KANSL1: variants seen among roughly 807,000 people sequenced by gnomAD.
The protein encoded by KANSL1 is MLL1/MLL complex subunit KANSL1.
KANSL1 carries 22 observed loss-of-function variants against 103.6 expected under a neutral mutation model. The ratio of observed to expected loss-of-function variants is 0.21; its 90% CI spans 0.15 to 0.30. KANSL1 has a LOEUF of 0.30. Among genes scored for constraint, KANSL1 ranks in the 10% least tolerant of loss-of-function variants. The probability of loss-of-function intolerance (pLI) is 1.00; values close to 1 mark genes in which losing one functional copy is unlikely to be tolerated. For synonymous variants in KANSL1, 600 were observed against 527.6 expected (o/e 1.14, Z -1.88); for missense variants, 1,337 against 1,399.8 (o/e 0.96, Z 0.72).
chr17:46,061,451 T>C (rs983005028), intron 6 of KANSL1, among the ~76,000 whole-genome samples: 2 of 152,088 alleles, frequency 1.3e-5, no homozygotes, highest in African/African-American at 2.4e-5. Flanking sequence ...TATAAGAACT[T>C]TCCACTGGAG....
chr17:46,201,057 G>A (rs942828592), intron 1 of KANSL1, among the ~76,000 whole-genome samples: 7 of 152,042 alleles, frequency 4.6e-5, no homozygotes, highest in Admixed American at 2.6e-4. Context: ...GACTACAGGC[G>A]CGTACCACCA....
chr17:46,093,132 G>A (rs1295717191), intron 3 of KANSL1: 2 of 152,084 alleles, frequency 1.3e-5, no homozygotes, highest in African/African-American at 4.8e-5. Context: ...TTAACTACTG[G>A]CTATAAAAAC....
At chr17:46,054,516 A>G (rs1426568640) in intron 6 of KANSL1, among the ~76,000 whole-genome samples, 1 of 152,214 alleles carries the variant, frequency 6.6e-6, no homozygotes, top group African/African-American at 2.4e-5. Context: ...CACAGTAATC[A>G]GTGTAAATCT....
At position 46,171,386 on chromosome 17, in the gene KANSL1, T is replaced by C; in HGVS notation, c.758A>G (p.Asp253Gly). 1.2e-6 allele frequency: 2 copies of C among 1,614,008 alleles called. No individual in the cohort carries two copies. Among genetic ancestry groups the C allele is most frequent in the African/African-American group, 1.3e-5 (1 of 74,946 alleles). Residue 253 changes from aspartate to glycine, a missense_variant, in exon 2 of 15, where the codon GAC (aspartate) becomes GGC (glycine). Around this residue, in one of 2 missense-constraint regions of KANSL1, gnomAD observed 557 missense variants for 476.4 expected, o/e 1.17. Transcript: ENST00000432791. ...QGSSRLSPGT[D>G]SSSNLGGVKL... ...GACACCCCCCAAGTTAGAGCTGGAG[T>C]CTGTACCAGGTGATAATCTACTGCT... is the stretch of plus-strand genomic sequence containing the variant.
rs376233244 is a variant in KANSL1, at chr17:46,172,136, G to T, written c.8C>A (p.Ala3Glu). ...TGCGTCAGTGAGAGCGGGCGCCATCGCAGCCATTCAGCACAGAGAGACAGG... is the reference window on the plus strand; with the variant it reads ...TGCGTCAGTGAGAGCGGGCGCCATCTCAGCCATTCAGCACAGAGAGACAGG... MA[A>E]MAPALTDAAA... Residue 3 changes from alanine to glutamate, a missense_variant, in exon 2 of 15, where the codon GCG becomes GAG. Physicochemically the swap from Ala to Glu is moderately radical, Grantham distance 107. Around this residue, in one of 2 missense-constraint regions of KANSL1, gnomAD observed 557 missense variants for 476.4 expected, o/e 1.17. Transcript: ENST00000432791. 6.2e-7 allele frequency: 1 copy of T among 1,603,822 alleles called. No individual in the cohort carries two copies. Among genetic ancestry groups the T allele is most frequent in the South Asian group, 1.1e-5 (1 of 91,034 alleles).
intron 1 of KANSL1, among the ~76,000 whole-genome samples, chr17:46,185,261 A>C (rs1226366265): frequency 6.6e-6 from 1 of 152,250 alleles, no homozygotes; most frequent in Non-Finnish European, 1.5e-5. Flanking sequence ...CCATCAGATG[A>C]AGATCCATTA....
intron 2 of KANSL1, among the ~76,000 whole-genome samples, chr17:46,152,585 G>C (rs1034337247): frequency 3.5e-5 from 5 of 143,098 alleles, no homozygotes; most frequent in Non-Finnish European, 3.0e-5. Flanking sequence ...GACACAAAGG[G>C]GGGGGGGGGA....
upstream of KANSL1, among the ~76,000 whole-genome samples, chr17:46,197,848 T>C (rs1419997134): frequency 1.3e-5 from 2 of 152,228 alleles, no homozygotes; most frequent in African/African-American, 4.8e-5. Flanking sequence ...AGGCACTCTC[T>C]ACCTTCCCTG....
intron 2 of KANSL1, among the ~76,000 whole-genome samples, chr17:46,109,802 CCA>C (rs1341695573): frequency 6.6e-6 from 1 of 152,230 alleles, no homozygotes; most frequent in Non-Finnish European, 1.5e-5. Context: ...AACTCAGTTA[CCA>C]CAAGGTACTC....
At chr17:46,076,374 T>G (rs2078770552) in intron 4 of KANSL1, among the ~76,000 whole-genome samples, 1 of 151,294 alleles carries the variant, frequency 6.6e-6, no homozygotes, top group African/African-American at 2.4e-5. Context: ...CACACGCCTG[T>G]AATCCCAGCT....
rs551790665 is a variant in KANSL1, at chr17:46,059,049, A to G, written c.1848+7488T>C. On this transcript the variant is annotated intron_variant, in intron 6 of 14. Transcript: ENST00000432791. The stretch of plus-strand genomic sequence containing the variant: ...GCAACAGAGCGAGACTCCATCTCGG[A>G]AAAAAAAAAAAAGAAAGAAAGAAAA... Among the ~76,000 whole-genome samples, 18 of 130,874 alleles carry G rather than the reference A, an allele frequency of 1.4e-4. No homozygotes were observed. In the South Asian group the frequency reaches 2.1e-3, roughly 15 times the overall value. 85.9% of individuals were successfully genotyped at this position (130,874 alleles called of 152,430 possible).
chr17:46,216,234 T>C (rs1006751384), intron 1 of KANSL1, among the ~76,000 whole-genome samples: 4 of 152,170 alleles, frequency 2.6e-5, no homozygotes, highest in Non-Finnish European at 5.9e-5. Context: ...CCTCATAAAC[T>C]GCACAGGGTG....
intron 2 of KANSL1, among the ~76,000 whole-genome samples, chr17:46,157,981 C>T (rs1372831287): frequency 6.6e-6 from 1 of 152,214 alleles, no homozygotes; most frequent in Non-Finnish European, 1.5e-5. Flanking sequence ...ATAGTTGTAG[C>T]AATTCAGCTA....
chr17:46,170,954 G>C lies in KANSL1; in HGVS notation c.1190C>G (p.Ala397Gly). 6.2e-7 allele frequency: 1 copy of C among 1,614,136 alleles called. No individual in the cohort carries two copies. Among genetic ancestry groups the C allele is most frequent in the Non-Finnish European group, 8.5e-7 (1 of 1,180,048 alleles). Reference protein sequence around the residue: ...GIANLRCSEQAFDSDVTDSSS... With the variant: ...GIANLRCSEQGFDSDVTDSSS... ...ACTGTCAGTGACATCTGAATCAAATGCCTGTTCACTGCACCTCAAGTTGGC... is the reference window on the plus strand; with the variant it reads ...ACTGTCAGTGACATCTGAATCAAATCCCTGTTCACTGCACCTCAAGTTGGC... The change falls in exon 2 of 15, where the codon GCA becomes GGA. Residue 397 changes from alanine to glycine, a missense_variant. Ala to Gly is a moderately conservative substitution (Grantham distance 60). Coordinates refer to ENST00000432791, the MANE Select transcript of KANSL1 (RefSeq NM_015443.4).
At chr17:46,058,741 ACACTCT>A (rs1287822467) in intron 6 of KANSL1, among the ~76,000 whole-genome samples, 216 of 73,524 alleles carry the variant, frequency 2.9e-3, no homozygotes, top group African/African-American at 0.011. Context: ...ACACACACAC[ACACTCT>A]CTCTCTCTCT....
intron 10 of KANSL1, among the ~76,000 whole-genome samples, chr17:46,036,860 T>C (rs1376206778): frequency 6.6e-6 from 1 of 152,102 alleles, no homozygotes; most frequent in Non-Finnish European, 1.5e-5. Context: ...TATAGGCACA[T>C]GCCACCACGC....
At chr17:46,186,752 G>T (rs1428632766) in intron 1 of KANSL1, among the ~76,000 whole-genome samples, 1 of 152,028 alleles carries the variant, frequency 6.6e-6, no homozygotes, top group Admixed American at 6.6e-5. Flanking sequence ...TTTTTGAGAC[G>T]AAGTCTCTCT....
chr17:46,066,184 C>G (rs2078369327), intron 6 of KANSL1, among the ~76,000 whole-genome samples: 1 of 152,142 alleles, frequency 6.6e-6, no homozygotes, highest in South Asian at 2.1e-4. Context: ...GCAAAGGATT[C>G]TATACTGCCA....
intron 2 of KANSL1, among the ~76,000 whole-genome samples, chr17:46,152,042 T>C (rs1286094991): frequency 6.6e-6 from 1 of 152,260 alleles, no homozygotes; most frequent in Non-Finnish European, 1.5e-5. Flanking sequence ...CAGGTGATTC[T>C]AGTGTATAGC....
Sources: gnomAD v4.1 joint callset for allele counts (sites outside exome capture counted in the v4.1 genomes callset) on GRCh38, gnomAD v4.1.1 for gene constraint, gnomAD v4.1.1 regional missense constraint, MANE v1.5 for transcripts, NCBI Gene and HGNC (gene_info 2026-07-23, HGNC 2026-07-21) for gene names.